KDM7A: variants seen among roughly 807,000 people sequenced by gnomAD.
The protein encoded by KDM7A is lysine-specific demethylase 7A.
A neutral mutation model predicts 114.8 loss-of-function variants in KDM7A; 28 were observed. That is an observed-to-expected ratio of 0.24 (90% CI 0.18 to 0.33). The LOEUF is 0.33. Ranked by LOEUF, KDM7A falls within the 10% of genes least tolerant of loss-of-function variation. The pLI is 1.00. For missense variants in KDM7A, 942 were observed against 1,142.5 expected, an observed-to-expected ratio of 0.82 and a Z score of 2.53; for synonymous variants, 423 against 397.8, an observed-to-expected ratio of 1.06 and a Z score of -0.75.
At chr7:140,123,195 G>A (rs1217426417) in intron 7 of KDM7A, among the ~76,000 whole-genome samples, 1 of 152,208 alleles carries the variant, frequency 6.6e-6, no homozygotes, top group Non-Finnish European at 1.5e-5. Flanking sequence ...CAGCACTGGT[G>A]AGGGTGTGGA....
chr7:140,144,710 T>C (rs989806434), intron 1 of KDM7A, among the ~76,000 whole-genome samples: 7 of 146,322 alleles, frequency 4.8e-5, no homozygotes, highest in African/African-American at 1.3e-4. Flanking sequence ...GTCCCCACCA[T>C]ACACACACAC....
chr7:140,162,191 C>T (rs1011996602), intron 1 of KDM7A, among the ~76,000 whole-genome samples: 4 of 151,946 alleles, frequency 2.6e-5, no homozygotes, highest in African/African-American at 7.3e-5. Flanking sequence ...CAAATTTCGC[C>T]GGGCATAGTG....
Position 140,088,756 on chromosome 7 carries a change from T to G in KDM7A, c.*2338A>C. ...AAAACTACTAAAAATGAATCCACAG[T>G]ACCTTCACTTTAGAATTCCACACAC... On this transcript the variant is annotated 3_prime_UTR_variant, in exon 20 of 20. Transcript: ENST00000397560. The G allele has an allele frequency of 2.7e-6, 1 of 369,118 alleles. No homozygotes were observed. The highest frequency in any genetic ancestry group is 4.8e-6 in the Non-Finnish European group (1 of 207,878). The allele number at this position is 369,118 out of a possible 1,614,324, so 22.9% of individuals were successfully genotyped here. A position where few individuals can be genotyped will look rare whatever the true frequency, so the allele number is the denominator to read the frequency against.
At chr7:140,126,898 A>G (rs1049834552) in intron 5 of KDM7A, 75 bp from the exon 6 acceptor site, 62 of 1,068,406 alleles carry the variant, frequency 5.8e-5, no homozygotes, top group Non-Finnish European at 8.5e-5. Flanking sequence ...TTTCTCATCT[A>G]TTCCCAAACC....
Position 140,096,839 on chromosome 7 carries a change from A to G in KDM7A, c.2165+60T>C, listed in dbSNP as rs547459826. The stretch of plus-strand genomic sequence containing the variant: ...TTTTTGGTAAAATTTAAAACTAAAA[A>G]AAGTGTTCATAGTATTTACCTTACA... On this transcript the variant is annotated intron_variant, in intron 16 of 19. Coordinates refer to ENST00000397560, the MANE Select transcript of KDM7A (RefSeq NM_030647.2). 468 of 1,590,834 alleles carry G rather than the reference A, an allele frequency of 2.9e-4. 5 individuals are homozygous for G. The South Asian group carries it at 5.0e-3, about 17-fold the overall frequency.
chr7:140,086,557 C>T lies in KDM7A; in HGVS notation c.*4537G>A, dbSNP rs1817926112. 6.6e-6 allele frequency: 1 copy of T among 152,028 alleles called. No individual in the cohort carries two copies. Among genetic ancestry groups the T allele is most frequent in the Non-Finnish European group, 1.5e-5 (1 of 67,980 alleles). 9.4% of individuals were successfully genotyped at this position (152,028 alleles called of 1,614,324 possible). A position where few individuals can be genotyped will look rare whatever the true frequency, so the allele number is the denominator to read the frequency against. On this transcript the variant is annotated 3_prime_UTR_variant, in exon 20 of 20. Coordinates refer to ENST00000397560, the MANE Select transcript of KDM7A (RefSeq NM_030647.2). ...AAAGAGGGAAGGGCTTCTAGGAAGG[C>T]TACAGTATTAAGATTACATTACGTT...
At chr7:140,100,136 G>A (rs1420817735) in intron 12 of KDM7A, 113 bp from the exon 13 acceptor site, 3 of 1,110,364 alleles carry the variant, frequency 2.7e-6, no homozygotes, top group African/African-American at 3.1e-5. Context: ...CAAAGATACA[G>A]GCAGCCACCT....
intron 1 of KDM7A, among the ~76,000 whole-genome samples, chr7:140,157,992 A>AAAT (rs141893583): frequency 0.019 from 2,731 of 146,400 alleles, 47 homozygotes; most frequent in Non-Finnish European, 0.024. Flanking sequence ...ATAAATAAAT[A>AAAT]AATAATAATA....
At chr7:140,131,034 GTT>G (rs1256168875) in intron 3 of KDM7A, among the ~76,000 whole-genome samples, 2 of 151,282 alleles carry the variant, frequency 1.3e-5, no homozygotes, top group South Asian at 2.1e-4. Context: ...TTTTGTTTTT[GTT>G]TTTGTTTTTT....
chr7:140,175,744 G>A (rs1334662129), intron 1 of KDM7A, among the ~76,000 whole-genome samples: 4 of 152,038 alleles, frequency 2.6e-5, no homozygotes, highest in African/African-American at 9.7e-5. Flanking sequence ...GGCGGCGGCT[G>A]AATCAGAGGG....
intron 2 of KDM7A, among the ~76,000 whole-genome samples, chr7:140,138,010 T>C (rs1273370730): frequency 3.3e-5 from 5 of 152,206 alleles, no homozygotes; most frequent in African/African-American, 1.2e-4. Context: ...AATGCTAGTC[T>C]GCAGCCTAAA....
intron 4 of KDM7A, among the ~76,000 whole-genome samples, 160 bp from the exon 5 acceptor site, chr7:140,127,743 C>A (rs941630701): frequency 6.6e-6 from 1 of 152,152 alleles, no homozygotes; most frequent in Non-Finnish European, 1.5e-5. Context: ...TCAAGTTCAA[C>A]TGGACCTTTC....
At position 140,176,722 on chromosome 7, in the gene KDM7A, G is replaced by A; in HGVS notation, c.194+22C>T. On this transcript the variant is annotated intron_variant, in intron 1 of 19. Coordinates refer to ENST00000397560, the MANE Select transcript of KDM7A (RefSeq NM_030647.2). The surrounding 1 kb of genome is among the most constrained non-coding windows in gnomAD (Gnocchi z 4.4). ...TCGGTGGCCGGCGGTGGCGGCTGCG[G>A]GGCTGGAGGGGGTTTATTTACCTGC... is the stretch of plus-strand genomic sequence containing the variant. 3 of 1,277,680 alleles carry A rather than the reference G, an allele frequency of 2.3e-6. No individual in the cohort carries two copies. Among genetic ancestry groups the A allele is most frequent in the South Asian group, 1.7e-5 (1 of 58,494 alleles). The allele number at this position is 1,277,680 out of a possible 1,614,324, so 79.1% of individuals were successfully genotyped here.
At chr7:140,160,425 G>GA (rs1188007520) in intron 1 of KDM7A, among the ~76,000 whole-genome samples, 2 of 152,210 alleles carry the variant, frequency 1.3e-5, no homozygotes, top group Non-Finnish European at 2.9e-5. Context: ...GGTGGTGACT[G>GA]AATCAGCAGC....
At chr7:140,101,631 C>T (rs540092695) in intron 12 of KDM7A, among the ~76,000 whole-genome samples, 22 of 152,242 alleles carry the variant, frequency 1.4e-4, no homozygotes, top group Non-Finnish European at 2.4e-4. Flanking sequence ...CCAGCTTGAA[C>T]TAGGATGGAA....
chr7:140,107,162 G>A (rs543644229), intron 11 of KDM7A, among the ~76,000 whole-genome samples: 2 of 152,098 alleles, frequency 1.3e-5, no homozygotes, highest in African/African-American at 4.8e-5. Context: ...GAGCCTATGT[G>A]TGTCTCTGCA....
At position 140,113,552 on chromosome 7, in the gene KDM7A, G is replaced by GT. The variant is rs1562949761; in HGVS notation, c.1276dup (p.Thr426AsnfsTer25). 1 of 1,604,916 alleles carries GT rather than the reference G, an allele frequency of 6.2e-7. No homozygotes were observed. Among genetic ancestry groups the GT allele is most frequent in the Non-Finnish European group, 8.5e-7 (1 of 1,173,154 alleles). ...TGCTTTCACTCCCTGTACTAGGTAA[G>GT]TTTGAGGCTGGAAACCATCTTCTCT... On this transcript the variant is annotated frameshift_variant, in exon 10 of 20. Coordinates refer to ENST00000397560, the MANE Select transcript of KDM7A (RefSeq NM_030647.2).
chr7:140,091,210 T>G (rs750079237), intron 19 of KDM7A, 22 bp from the exon 20 acceptor site: 2 of 1,514,876 alleles, frequency 1.3e-6, no homozygotes, highest in South Asian at 2.2e-5. Context: ...CAAAAGGGAG[T>G]GTAAGTAATG....
In KDM7A at chr7:140,176,971, C is replaced by T; in HGVS notation, c.-34G>A. 1 of 1,098,492 alleles carries T rather than the reference C, an allele frequency of 9.1e-7. No homozygotes were observed. The highest frequency in any genetic ancestry group is 1.1e-6 in the Non-Finnish European group (1 of 902,162). The allele number at this position is 1,098,492 out of a possible 1,614,324, so 68.0% of individuals were successfully genotyped here. A position where few individuals can be genotyped will look rare whatever the true frequency, so the allele number is the denominator to read the frequency against. On this transcript the variant is annotated 5_prime_UTR_variant, in exon 1 of 20. Coordinates refer to ENST00000397560, the MANE Select transcript of KDM7A (RefSeq NM_030647.2). The surrounding 1 kb of genome is among the most constrained non-coding windows in gnomAD (Gnocchi z 4.4). ...AACACACACACGCTCGCTCGCTACT[C>T]CGCTCGCCGACTGGAGCGAGCGCAG... is the stretch of plus-strand genomic sequence containing the variant.
Sources: gnomAD v4.1 joint callset for allele counts (sites outside exome capture counted in the v4.1 genomes callset) on GRCh38, gnomAD v4.1.1 for gene constraint, Gnocchi (gnomAD v3.1) non-coding constraint, MANE v1.5 for transcripts, NCBI Gene and HGNC (gene_info 2026-07-23, HGNC 2026-07-21) for gene names.